Variants in UQCRH observed in about 807,000 individuals in gnomAD.
UQCRH encodes ubiquinol-cytochrome c reductase hinge protein.
A neutral mutation model predicts 16.3 loss-of-function variants in UQCRH; 14 were observed. The observed-to-expected ratio is 0.86, with a 90% CI of 0.57 to 1.34. The LOEUF is 1.34. UQCRH is among the 40% of genes most tolerant of loss of function. The pLI, the probability that UQCRH is intolerant of heterozygous loss-of-function variation, is 0.00. For synonymous variants in UQCRH, 41 were observed against 41.9 expected (o/e 0.98, Z 0.08); for missense variants, 89 against 111.9 (o/e 0.80, Z 0.92).
chr1:46,310,383 C>G, intron 3 of UQCRH, 67 bp downstream of exon 3: 1 of 1,604,512 alleles, frequency 6.2e-7, no homozygotes, highest in Non-Finnish European at 8.5e-7. Flanking sequence ...TGCCAACAAT[C>G]TTTCCATGCT....
chr1:46,306,933 T>A (rs1661387272), intron 1 of UQCRH, among the ~76,000 whole-genome samples: 1 of 152,176 alleles, frequency 6.6e-6, no homozygotes, highest in South Asian at 2.1e-4. Context: ...TCACCCAGAC[T>A]GGGGTGCAGT....
chr1:46,312,171 C>G (rs1217846193), intron 3 of UQCRH, among the ~76,000 whole-genome samples: 1 of 151,942 alleles, frequency 6.6e-6, no homozygotes, highest in Non-Finnish European at 1.5e-5. Flanking sequence ...TCTTGGCTCA[C>G]TGCAACCTCC....
At position 46,316,657 on chromosome 1, in the gene UQCRH, C is replaced by T; in HGVS notation, c.*73C>T. On this transcript the variant is annotated 3_prime_UTR_variant, in exon 4 of 4. Coordinates refer to ENST00000311672, the MANE Select transcript of UQCRH (RefSeq NM_006004.4). ...TATTTCCTTATGGTTTTGGATGTAC[C>T]ATTTGTTTCTTATTTGTGTAACTGT... The T allele has an allele frequency of 3.1e-6, 5 of 1,596,822 alleles. No homozygotes were observed. The South Asian group carries it at 5.6e-5, about 18-fold the overall frequency.
chr1:46,306,236 A>G (rs938841527), intron 1 of UQCRH, among the ~76,000 whole-genome samples: 4 of 152,218 alleles, frequency 2.6e-5, no homozygotes, highest in African/African-American at 7.2e-5. Context: ...TATTTTTGAC[A>G]CAAAATTATC....
intron 1 of UQCRH, among the ~76,000 whole-genome samples, chr1:46,306,964 C>T (rs979535915): frequency 6.6e-6 from 1 of 152,172 alleles, no homozygotes; most frequent in Admixed American, 6.5e-5. Flanking sequence ...TAGCTCACTG[C>T]AGCCTCAAAC....
rs1177947160 is a variant in UQCRH at position 46,310,180 on chromosome 1, A to G, written c.107A>G (p.Gln36Arg). 1 of 1,614,212 alleles carries G rather than the reference A, an allele frequency of 6.2e-7. No individual in the cohort carries two copies. Among genetic ancestry groups the G allele is most frequent in the East Asian group, 2.2e-5 (1 of 44,886 alleles). The change falls in exon 3 of 4, where the codon CAA (glutamine) becomes CGA (arginine). Residue 36 changes from glutamine (Q) to arginine (R), a missense_variant. Gln to Arg is a conservative substitution (Grantham distance 43). Transcript: ENST00000311672. The part of the protein sequence containing the change: ...LVDPLTTVRE[Q>R]CEQLEKCVKA... The stretch of plus-strand genomic sequence containing the variant: ...GATCCCCTAACAACAGTGAGAGAGC[A>G]ATGCGAGCAGTTGGAGAAATGTGTA...
intron 1 of UQCRH, 145 bp from the exon 2 acceptor site, chr1:46,308,956 A>C: frequency 9.6e-7 from 1 of 1,041,034 alleles, no homozygotes; most frequent in Non-Finnish European, 1.4e-6. Flanking sequence ...CAAGGCCTCT[A>C]AAATGTAAAA....
chr1:46,316,074 A>G (rs577517286), intron 3 of UQCRH, among the ~76,000 whole-genome samples: 5 of 151,868 alleles, frequency 3.3e-5, no homozygotes, highest in South Asian at 4.2e-4. Context: ...CCCGCCTCCC[A>G]TTTATTTTCC....
rs1569689237 is a variant in UQCRH at position 46,310,241 on chromosome 1, T to C, written c.168T>C (p.Arg56=). 2 of 1,614,218 alleles carry C rather than the reference T, an allele frequency of 1.2e-6. No individual in the cohort carries two copies. ...AGCGGCTAGAGCTCTGTGATGAGCG[T>C]GTATCCTCTCGATCACATACAGAAG... The part of the protein sequence containing the change: ...ARERLELCDE[R]VSSRSHTEED... The change falls in exon 3 of 4, where the codon CGT becomes CGC. Residue 56 remains arginine (R), a synonymous_variant. Coordinates refer to ENST00000311672, the MANE Select transcript of UQCRH (RefSeq NM_006004.4).
rs751232369 is a variant in UQCRH, at chr1:46,310,159, C to T, written c.86C>T (p.Pro29Leu). The change falls in exon 3 of 4, where the codon CCC becomes CTC. Residue 29 changes from proline (P) to leucine (L), a missense_variant. Transcript: ENST00000311672. ...EEEEEEELVD[P>L]LTTVREQCEQ... is the part of the protein sequence containing the mutation. ...TTTTTTCTGTTTCTACATCAGGATCCCCTAACAACAGTGAGAGAGCAATGC... is the reference window on the plus strand; with the variant it reads ...TTTTTTCTGTTTCTACATCAGGATCTCCTAACAACAGTGAGAGAGCAATGC... 10 of 1,614,138 alleles carry T rather than the reference C, an allele frequency of 6.2e-6. No homozygotes were observed. The highest frequency in any genetic ancestry group is 8.5e-6 in the Non-Finnish European group (10 of 1,180,040).
At chr1:46,309,222 C>T (rs1661425166) in intron 2 of UQCRH, 95 bp downstream of exon 2, 1 of 1,376,794 alleles carries the variant, frequency 7.3e-7, no homozygotes, top group Admixed American at 2.1e-5. Context: ...TTACTTGATA[C>T]CTTGTAGATA....
chr1:46,312,160 A>T (rs1661491462), intron 3 of UQCRH, among the ~76,000 whole-genome samples: 1 of 151,612 alleles, frequency 6.6e-6, no homozygotes, highest in Non-Finnish European at 1.5e-5. Flanking sequence ...CAGTGGCGCA[A>T]TCTTGGCTCA....
intron 2 of UQCRH, chr1:46,309,820 T>G (rs997365024): frequency 8.0e-6 from 10 of 1,244,012 alleles, no homozygotes; most frequent in Non-Finnish European, 9.2e-6. Context: ...TATTCCAAAA[T>G]GCTGTGTTAA....
intron 3 of UQCRH, among the ~76,000 whole-genome samples, chr1:46,314,885 T>A (rs1661551636): frequency 6.6e-6 from 1 of 152,172 alleles, no homozygotes; most frequent in Non-Finnish European, 1.5e-5. Flanking sequence ...TACTGTTTAA[T>A]GGATATAGTT....
chr1:46,313,827 T>C (rs1321678477), intron 3 of UQCRH, among the ~76,000 whole-genome samples: 1 of 149,886 alleles, frequency 6.7e-6, no homozygotes, highest in Admixed American at 6.7e-5. Context: ...GGTGACAGAC[T>C]GAGACCCTGT....
chr1:46,305,542 C>T (rs1041936969), intron 1 of UQCRH, among the ~76,000 whole-genome samples: 18 of 150,910 alleles, frequency 1.2e-4, no homozygotes, highest in Non-Finnish European at 2.5e-4. Flanking sequence ...ATCAGGAGGT[C>T]AGGAGATCCA....
chr1:46,316,540 T>C lies in UQCRH; in HGVS notation c.244-12T>C. On this transcript the variant is annotated splice_polypyrimidine_tract_variant and intron_variant, in intron 3 of 3. Coordinates refer to ENST00000311672, the MANE Select transcript of UQCRH (RefSeq NM_006004.4). ...TGCCAATTGATTACCTCCTTTTCTT[T>C]CCCCCATCTAGGTGGCCCACAAACT... 6.2e-7 allele frequency: 1 copy of C among 1,613,442 alleles called. No homozygotes were observed. Among genetic ancestry groups the C allele is most frequent in the Non-Finnish European group, 8.5e-7 (1 of 1,179,766 alleles).
At chr1:46,308,934 C>A (rs1408063704) in intron 1 of UQCRH, among the ~76,000 whole-genome samples, 167 bp from the exon 2 acceptor site, 1 of 152,190 alleles carries the variant, frequency 6.6e-6, no homozygotes, top group Non-Finnish European at 1.5e-5. Flanking sequence ...GCAGGATTAG[C>A]TCCAGGATTA....
chr1:46,312,325 G>A (rs935010529), intron 3 of UQCRH, among the ~76,000 whole-genome samples: 1 of 151,426 alleles, frequency 6.6e-6, no homozygotes, highest in South Asian at 2.1e-4. Flanking sequence ...GGCTGGTCTT[G>A]AACTCCTGAC....
Sources: allele counts gnomAD v4.1 joint callset (sites outside exome capture counted in the v4.1 genomes callset), GRCh38; gene constraint gnomAD v4.1.1; transcripts MANE v1.5; gene names NCBI Gene and HGNC (gene_info 2026-07-23, HGNC 2026-07-21).